FAM117A: variants seen among roughly 807,000 people sequenced by gnomAD.
The protein encoded by FAM117A is protein FAM117A.
A neutral mutation model predicts 44.1 loss-of-function variants in FAM117A; 21 were observed. The observed-to-expected ratio is 0.48, with a 90% CI of 0.34 to 0.69. FAM117A has a LOEUF of 0.69. Among genes scored for constraint, FAM117A ranks in the 30% least tolerant of loss-of-function variants. The pLI is 0.01. For synonymous variants in FAM117A, 220 were observed against 238.3 expected (o/e 0.92, Z 0.71); for missense variants, 498 against 589.9 (o/e 0.84, Z 1.61).
intron 1 of FAM117A, among the ~76,000 whole-genome samples, chr17:49,734,998 G>C (rs1201857500): frequency 2.0e-5 from 3 of 152,120 alleles, no homozygotes; most frequent in African/African-American, 4.8e-5. Context: ...CTTTACCAAG[G>C]GCTTAGGAGG....
chr17:49,766,678 G>T (rs770008328), upstream of FAM117A, among the ~76,000 whole-genome samples: 4 of 152,194 alleles, frequency 2.6e-5, no homozygotes, highest in Non-Finnish European at 5.9e-5. Context: ...GATGATGAGT[G>T]GTTTTTATTG....
chr17:49,717,407 T>C, intron 6 of FAM117A, 106 bp downstream of exon 6: 1 of 844,554 alleles, frequency 1.2e-6, no homozygotes. Flanking sequence ...GATATTCTAG[T>C]AGGGTACTGA....
chr17:49,782,914 A>C (rs867454559), intron 1 of FAM117A, among the ~76,000 whole-genome samples: 23 of 152,314 alleles, frequency 1.5e-4, no homozygotes, highest in African/African-American at 5.3e-4. Context: ...CTTCTGGCCA[A>C]TGCCTAGCAC....
Position 49,711,608 on chromosome 17 carries a change from A to G in FAM117A, c.1062-53T>C. The stretch of plus-strand genomic sequence containing the variant: ...CACATACGTACACACAGAGAGAAAC[A>G]GACAGCGAGAGAGGGTGAGATGTCA... On this transcript the variant is annotated intron_variant, in intron 7 of 7. Transcript: ENST00000240364. The G allele has an allele frequency of 2.0e-6, 3 of 1,532,908 alleles. No homozygotes were observed. In the Admixed American group the frequency reaches 5.1e-5, roughly 26 times the overall value. 95.0% of individuals were successfully genotyped at this position (1,532,908 alleles called of 1,614,324 possible).
chr17:49,740,247 A>T (rs539231548), intron 1 of FAM117A, among the ~76,000 whole-genome samples: 2 of 150,954 alleles, frequency 1.3e-5, no homozygotes, highest in African/African-American at 4.9e-5. Flanking sequence ...TTTGGTAAGC[A>T]GATTTTTTTT....
Position 49,772,708 on chromosome 17 carries a change from T to C in FAM117A, c.-621+15789A>G, listed in dbSNP as rs371489982. ...GAGAGGCTGCAGTGAGCCGAGATCA[T>C]GCCACTGCACTCCAGCCTGGACAAT... On this transcript the variant is annotated intron_variant, in intron 1 of 7. Transcript: ENST00000513602. 1.3e-4 allele frequency among the ~76,000 whole-genome samples: 20 copies of C among 150,758 alleles called. 1 individual carries two copies. In the South Asian group the frequency reaches 2.9e-3, roughly 22 times the overall value.
rs1331457359 is a variant in FAM117A at position 49,777,977 on chromosome 17, A to T, written c.-621+10520T>A. On this transcript the variant is annotated intron_variant, in intron 1 of 7. Transcript: ENST00000513602. ...GTGAGACCAATGACTTATACAGCTT[A>T]GAATTTGGTCCTTCCTGGCGGGAAG... is the stretch of plus-strand genomic sequence containing the variant. Among the ~76,000 whole-genome samples the T allele has an allele frequency of 1.1e-4, 16 of 152,356 alleles. No individual in the cohort carries two copies. In the East Asian group the frequency reaches 1.9e-3, roughly 18 times the overall value.
intron 2 of FAM117A, among the ~76,000 whole-genome samples, chr17:49,726,733 T>G (rs1458278026): frequency 6.6e-6 from 1 of 152,040 alleles, no homozygotes; most frequent in Admixed American, 6.5e-5. Flanking sequence ...TCCCAGCACC[T>G]TGGGAAGCCA....
intron 2 of FAM117A, among the ~76,000 whole-genome samples, chr17:49,725,651 G>C (rs941971260): frequency 3.9e-5 from 6 of 152,228 alleles, no homozygotes; most frequent in Non-Finnish European, 8.8e-5. Context: ...CAATGAGCCT[G>C]GCATGTTTGA....
chr17:49,738,988 G>A (rs370311936), intron 1 of FAM117A, among the ~76,000 whole-genome samples: 16 of 151,730 alleles, frequency 1.1e-4, no homozygotes, highest in Non-Finnish European at 1.6e-4. Flanking sequence ...GACATGTCTC[G>A]TGCCACCCTT....
intron 1 of FAM117A, among the ~76,000 whole-genome samples, chr17:49,736,203 A>G (rs537581035): frequency 6.6e-6 from 1 of 152,164 alleles, no homozygotes; most frequent in Admixed American, 6.5e-5. Context: ...GACATAAAAC[A>G]CATCATTTTA....
At chr17:49,757,596 C>T (rs879380309) in intron 1 of FAM117A, among the ~76,000 whole-genome samples, 5 of 152,190 alleles carry the variant, frequency 3.3e-5, no homozygotes, top group Non-Finnish European at 5.9e-5. Context: ...TCCCACCATC[C>T]AGCTGTTGCC....
intron 1 of FAM117A, among the ~76,000 whole-genome samples, chr17:49,745,032 A>AACAC (rs1262092763): frequency 6.8e-6 from 1 of 147,414 alleles, no homozygotes; most frequent in Non-Finnish European, 1.5e-5. Flanking sequence ...AAAAAAAAAA[A>AACAC]ACACACACAC....
chr17:49,775,419 A>G (rs1000709483), intron 1 of FAM117A, among the ~76,000 whole-genome samples: 1 of 152,202 alleles, frequency 6.6e-6, no homozygotes, highest in Non-Finnish European at 1.5e-5. Context: ...CTATTCCACA[A>G]GACGGCCCTG....
intron 1 of FAM117A, among the ~76,000 whole-genome samples, chr17:49,763,507 C>T (rs1285698991): frequency 2.0e-5 from 3 of 151,468 alleles, no homozygotes; most frequent in South Asian, 2.1e-4. Flanking sequence ...ACTCCTGCTC[C>T]CAGCGCCAGC....
Position 49,717,504 on chromosome 17 carries a change from G to C in FAM117A, c.910+9C>G, listed in dbSNP as rs775326177. The C allele has an allele frequency of 6.2e-7, 1 of 1,613,212 alleles. No individual in the cohort carries two copies. Among genetic ancestry groups the C allele is most frequent in the Admixed American group, 1.7e-5 (1 of 59,994 alleles). On this transcript the variant is annotated intron_variant, in intron 6 of 7. Coordinates refer to ENST00000240364, the MANE Select transcript of FAM117A (RefSeq NM_030802.4). ...AGTCAGCCCTGCTGCCTCAGCCTTCGCGGCTTACCTTTGTCGTTGGGGGTG... is the reference window on the plus strand; with the variant it reads ...AGTCAGCCCTGCTGCCTCAGCCTTCCCGGCTTACCTTTGTCGTTGGGGGTG...
At chr17:49,725,083 C>T (rs142778374) in intron 2 of FAM117A, among the ~76,000 whole-genome samples, 11 of 152,282 alleles carry the variant, frequency 7.2e-5, no homozygotes, top group African/African-American at 2.4e-4. Flanking sequence ...CCATCCTTGG[C>T]TCTCTGTCCT....
intron 1 of FAM117A, among the ~76,000 whole-genome samples, chr17:49,786,641 G>C (rs2073806899): frequency 6.6e-6 from 1 of 152,164 alleles, no homozygotes; most frequent in South Asian, 2.1e-4. Context: ...GCCACATGTG[G>C]TGGCGGGCGC....
At chr17:49,716,595 C>T (rs2073504715) in intron 6 of FAM117A, among the ~76,000 whole-genome samples, 1 of 152,192 alleles carries the variant, frequency 6.6e-6, no homozygotes, top group South Asian at 2.1e-4. Flanking sequence ...GGGACCGGAA[C>T]TCCAGATCTC....
Sources: gnomAD v4.1 joint callset for allele counts (sites outside exome capture counted in the v4.1 genomes callset) on GRCh38, gnomAD v4.1.1 for gene constraint, MANE v1.5 for transcripts, NCBI Gene and HGNC (gene_info 2026-07-23, HGNC 2026-07-21) for gene names.